Variants in TFDP2 observed in about 807,000 individuals in gnomAD.
TFDP2 encodes transcription factor Dp-2 (E2F dimerization partner 2).
A neutral mutation model predicts 59.3 loss-of-function variants in TFDP2; 17 were observed. The observed-to-expected ratio is 0.29, with a 90% CI of 0.20 to 0.43. The LOEUF is 0.43. TFDP2 is among the 20% of genes least tolerant of loss of function. The probability of loss-of-function intolerance (pLI) is 1.00; values close to 1 mark genes in which losing one functional copy is unlikely to be tolerated. For missense variants in TFDP2, 391 were observed against 528.8 expected (o/e 0.74, Z 2.56); for synonymous variants, 180 against 194.7 (o/e 0.92, Z 0.63).
chr3:142,128,287 A>T (rs996209266), intron 1 of TFDP2, among the ~76,000 whole-genome samples: 2 of 152,250 alleles, frequency 1.3e-5, no homozygotes. Context: ...AACTAGGTAC[A>T]CAAAAGGGTT....
At chr3:142,027,224 GT>G (rs892661008) in intron 3 of TFDP2, among the ~76,000 whole-genome samples, 6 of 151,116 alleles carry the variant, frequency 4.0e-5, no homozygotes, top group East Asian at 1.9e-4. Context: ...AATATTTAAA[GT>G]TTTTTTTTAA....
intron 6 of TFDP2, among the ~76,000 whole-genome samples, chr3:141,981,219 C>T (rs1559967659): frequency 6.6e-6 from 1 of 152,154 alleles, no homozygotes; most frequent in African/African-American, 2.4e-5. Flanking sequence ...CACTGTGTTA[C>T]AATGACCTAT....
chr3:142,107,702 T>A (rs2061521006), intron 1 of TFDP2, among the ~76,000 whole-genome samples: 1 of 151,992 alleles, frequency 6.6e-6, no homozygotes, highest in African/African-American at 2.4e-5. Context: ...TTTTAGAGAG[T>A]TCAAGCAATT....
At chr3:142,077,880 G>A (rs1335631593) in intron 3 of TFDP2, among the ~76,000 whole-genome samples, 1 of 152,144 alleles carries the variant, frequency 6.6e-6, no homozygotes, top group African/African-American at 2.4e-5. Context: ...GGGCTCTTGG[G>A]GTCCCTGATT....
intron 1 of TFDP2, among the ~76,000 whole-genome samples, chr3:142,112,796 C>T (rs1299039480): frequency 6.6e-6 from 1 of 152,188 alleles, no homozygotes; most frequent in Non-Finnish European, 1.5e-5. Flanking sequence ...GCTGGGACTA[C>T]AGGCACGTGC....
At chr3:142,042,738 T>C (rs1947067569) in intron 3 of TFDP2, among the ~76,000 whole-genome samples, 1 of 103,240 alleles carries the variant, frequency 9.7e-6, no homozygotes, top group Admixed American at 8.9e-5. Flanking sequence ...GCCTGGACGC[T>C]TTTTTTTTTT....
intron 1 of TFDP2, among the ~76,000 whole-genome samples, chr3:142,130,202 T>C (rs1192082240): frequency 6.6e-6 from 1 of 152,084 alleles, no homozygotes; most frequent in African/African-American, 2.4e-5. Context: ...AACACAAGTG[T>C]CCACTGACAG....
chr3:142,139,389 G>A (rs2062853834), intron 1 of TFDP2, among the ~76,000 whole-genome samples: 1 of 152,186 alleles, frequency 6.6e-6, no homozygotes, highest in African/African-American at 2.4e-5. Context: ...ATTGTTATGT[G>A]TGGATTTGAT....
chr3:142,144,537 CTATTTATT>C (rs768072917), intron 1 of TFDP2, among the ~76,000 whole-genome samples: 5 of 151,902 alleles, frequency 3.3e-5, no homozygotes, highest in East Asian at 1.9e-4. Context: ...TTATTTATTC[CTATTTATT>C]TATTTATTTA....
At chr3:142,111,611 A>C (rs2061667176) in intron 1 of TFDP2, among the ~76,000 whole-genome samples, 1 of 152,102 alleles carries the variant, frequency 6.6e-6, no homozygotes, top group African/African-American at 2.4e-5. Flanking sequence ...CTACTCAAAG[A>C]AAACAGCACC....
intron 5 of TFDP2, 131 bp downstream of exon 5, chr3:141,994,889 T>C (rs2108196231): frequency 1.5e-6 from 1 of 679,732 alleles, no homozygotes; most frequent in East Asian, 3.0e-5. Context: ...TGAAATAAAA[T>C]AGGTGATTTT....
intron 3 of TFDP2, among the ~76,000 whole-genome samples, chr3:142,027,327 A>G (rs1381858626): frequency 6.6e-6 from 1 of 152,020 alleles, no homozygotes; most frequent in Non-Finnish European, 1.5e-5. Flanking sequence ...TTATTTATTC[A>G]CTGATTAAAT....
intron 1 of TFDP2, among the ~76,000 whole-genome samples, chr3:142,142,925 A>G (rs896045629): frequency 3.3e-5 from 5 of 152,240 alleles, no homozygotes; most frequent in African/African-American, 1.2e-4. Context: ...CCAGACCCAT[A>G]TCACTTGCCA....
At chr3:142,108,441 C>T (rs1168800291) in intron 1 of TFDP2, among the ~76,000 whole-genome samples, 1 of 152,118 alleles carries the variant, frequency 6.6e-6, no homozygotes, top group Non-Finnish European at 1.5e-5. Context: ...AACTCCTGAC[C>T]TCAAGTGACC....
chr3:142,114,139 C>G (rs62284572), intron 1 of TFDP2, among the ~76,000 whole-genome samples: 2 of 150,492 alleles, frequency 1.3e-5, no homozygotes, highest in African/African-American at 4.9e-5. Context: ...CACTCCAGCC[C>G]GGGCGACAAA....
At chr3:142,043,052 T>C (rs569522401) in intron 3 of TFDP2, among the ~76,000 whole-genome samples, 1 of 137,982 alleles carries the variant, frequency 7.2e-6, no homozygotes, top group Admixed American at 7.2e-5. Flanking sequence ...ATGCTTATTT[T>C]ATTATTTTTT....
intron 3 of TFDP2, among the ~76,000 whole-genome samples, chr3:142,049,935 T>C (rs1297660373): frequency 2.6e-5 from 4 of 152,266 alleles, no homozygotes; most frequent in South Asian, 2.1e-4. Flanking sequence ...GCTGAAACTA[T>C]AGAAGACAAA....
chr3:142,060,029 A>T (rs1416948927), intron 3 of TFDP2, among the ~76,000 whole-genome samples: 1 of 152,228 alleles, frequency 6.6e-6, no homozygotes, highest in African/African-American at 2.4e-5. Context: ...TATAAAGATA[A>T]CATTAACTTT....
At chr3:142,089,553 C>T (rs1393541660) in intron 3 of TFDP2, among the ~76,000 whole-genome samples, 1 of 151,966 alleles carries the variant, frequency 6.6e-6, no homozygotes, top group East Asian at 1.9e-4. Context: ...CTTCTGAGTA[C>T]TTATCTTAAT....
Sources: allele counts gnomAD v4.1 joint callset (sites outside exome capture counted in the v4.1 genomes callset), GRCh38; gene constraint gnomAD v4.1.1; transcripts MANE v1.5; gene names NCBI Gene and HGNC (gene_info 2026-07-23, HGNC 2026-07-21).